Variants in SAMD12 observed in about 807,000 individuals in gnomAD.
SAMD12 encodes sterile alpha motif domain-containing protein 12.
A neutral mutation model predicts 15.0 loss-of-function variants in SAMD12; 9 were observed. That is an observed-to-expected ratio of 0.60 (90% CI 0.36 to 1.05). The LOEUF is 1.05. Ranked by LOEUF, SAMD12 falls within the 50% of genes least tolerant of loss-of-function variation. The pLI is 0.01. For synonymous variants in SAMD12, 86 were observed against 90.1 expected (o/e 0.96, Z 0.25); for missense variants, 230 against 234.2 (o/e 0.98, Z 0.12).
intron 4 of SAMD12, among the ~76,000 whole-genome samples, chr8:118,356,540 C>A (rs577958218): frequency 6.6e-6 from 1 of 152,136 alleles, no homozygotes; most frequent in African/African-American, 2.4e-5. Flanking sequence ...ACTTTCAGCT[C>A]TCTTACTTGA....
At chr8:118,149,719 T>A in the SAMD12 span, among the ~76,000 whole-genome samples, 1 of 152,214 alleles carries the variant, frequency 6.6e-6, no homozygotes, top group Non-Finnish European at 1.5e-5. Flanking sequence ...TCTGCATTTA[T>A]GCCCATGATC....
At chr8:118,449,749 A>G (rs1823020540) in intron 2 of SAMD12, among the ~76,000 whole-genome samples, 1 of 143,950 alleles carries the variant, frequency 6.9e-6, no homozygotes. Flanking sequence ...TGCAGTGAGC[A>G]GAGATGGTGC....
intron 3 of SAMD12, among the ~76,000 whole-genome samples, chr8:118,437,895 G>A (rs546804091): frequency 6.6e-6 from 1 of 152,124 alleles, no homozygotes; most frequent in South Asian, 2.1e-4. Context: ...TTCCCTCAAG[G>A]GGACCTCATA....
chr8:118,384,707 A>C (rs896316172), intron 3 of SAMD12, among the ~76,000 whole-genome samples: 9 of 152,186 alleles, frequency 5.9e-5, no homozygotes, highest in African/African-American at 2.2e-4. Flanking sequence ...AGCACTTGGG[A>C]TATGCAGAAG....
chr8:118,288,513 C>G (rs895585792), intron 4 of SAMD12, among the ~76,000 whole-genome samples: 32 of 152,168 alleles, frequency 2.1e-4, no homozygotes, highest in Middle Eastern at 3.2e-3. Context: ...GCAGCAATTT[C>G]AGATGTTTTG....
intron 2 of SAMD12, among the ~76,000 whole-genome samples, chr8:118,483,767 G>T (rs1824196678): frequency 6.6e-6 from 1 of 151,990 alleles, no homozygotes; most frequent in Non-Finnish European, 1.5e-5. Context: ...CAGGATCTTT[G>T]GCATACTATT....
intron 2 of SAMD12, among the ~76,000 whole-genome samples, chr8:118,544,026 G>C (rs1233199220): frequency 1.3e-5 from 2 of 151,984 alleles, no homozygotes; most frequent in African/African-American, 2.4e-5. Context: ...CTCGGGTCTG[G>C]TGTCCTGTCT....
chr8:118,484,768 G>A (rs1824230187), intron 2 of SAMD12, among the ~76,000 whole-genome samples: 1 of 152,130 alleles, frequency 6.6e-6, no homozygotes, highest in South Asian at 2.1e-4. Flanking sequence ...TGCTCTCACA[G>A]AAGCAGAAGA....
chr8:118,238,475 G>A (rs984906791), intron 4 of SAMD12, among the ~76,000 whole-genome samples: 4 of 152,106 alleles, frequency 2.6e-5, no homozygotes, highest in South Asian at 2.1e-4. Flanking sequence ...CATATCTCAG[G>A]ACTTGCCCAA....
intron 2 of SAMD12, among the ~76,000 whole-genome samples, chr8:118,524,715 C>T (rs1275690150): frequency 6.6e-6 from 1 of 152,198 alleles, no homozygotes; most frequent in Non-Finnish European, 1.5e-5. Context: ...AGTTCTTTGA[C>T]AGTTAATAAC....
chr8:118,274,345 C>T lies in SAMD12; in HGVS notation c.434-76613G>A, dbSNP rs140395637. Among the ~76,000 whole-genome samples the T allele has an allele frequency of 7.0e-3, 1,060 of 152,214 alleles. 15 individuals are homozygous for T. The highest frequency in any genetic ancestry group is 0.024 in the African/African-American group (989 of 41,540). Reference sequence around the variant, plus strand: ...TCCTGCATATGGCTTTGGCAATTTTCGAGAAATGATGCTTTTGACAGAGAA... The same window carrying T: ...TCCTGCATATGGCTTTGGCAATTTTTGAGAAATGATGCTTTTGACAGAGAA... On this transcript the variant is annotated intron_variant, in intron 4 of 4. Coordinates refer to the SAMD12 transcript ENST00000409003.
At chr8:118,567,163 G>A (rs569435625) in intron 2 of SAMD12, among the ~76,000 whole-genome samples, 5 of 152,118 alleles carry the variant, frequency 3.3e-5, no homozygotes, top group Admixed American at 3.3e-4. Context: ...ATTCCTACTG[G>A]ACAGATGAAG....
intron 3 of SAMD12, among the ~76,000 whole-genome samples, chr8:118,414,237 C>A (rs1821572458): frequency 6.6e-6 from 1 of 152,110 alleles, no homozygotes; most frequent in African/African-American, 2.4e-5. Flanking sequence ...AATTGTATTT[C>A]TTATGAAAGG....
At chr8:118,618,594 C>G (rs970648091) in intron 1 of SAMD12, among the ~76,000 whole-genome samples, 2 of 152,114 alleles carry the variant, frequency 1.3e-5, no homozygotes, top group East Asian at 1.9e-4. Context: ...AATCCCAGCA[C>G]TTTGGGAGGC....
At chr8:118,153,265 A>G in the SAMD12 span, among the ~76,000 whole-genome samples, 1,129 of 121,532 alleles carry the variant, frequency 9.3e-3, 20 homozygotes, top group African/African-American at 0.031. Flanking sequence ...GGGAAAGAGG[A>G]AACAGCTATC....
chr8:118,439,989 A>T, intron 2 of SAMD12, 28 bp from the exon 3 acceptor site: 2 of 1,612,390 alleles, frequency 1.2e-6, no homozygotes, highest in Non-Finnish European at 1.7e-6. Context: ...AGATCTGTCA[A>T]TGCTGGCCCC....
intron 3 of SAMD12, among the ~76,000 whole-genome samples, chr8:118,412,909 T>A (rs983376768): frequency 6.6e-6 from 1 of 152,170 alleles, no homozygotes; most frequent in African/African-American, 2.4e-5. Context: ...GCCCTAGCTA[T>A]GTGACATGCT....
rs745368939 is a variant in SAMD12, at chr8:118,259,831, C to A, written c.434-62099G>T. Among the ~76,000 whole-genome samples, 94 of 152,182 alleles carry A rather than the reference C, an allele frequency of 6.2e-4. 1 individual carries two copies. The highest frequency in any genetic ancestry group is 3.4e-3 in the Middle Eastern group (1 of 294). ...TTCACAAAACCACCGTTCTTTAGAC[C>A]TGCTTATTTCTAGAACAAAAAAGGA... On this transcript the variant is annotated intron_variant, in intron 4 of 4. Transcript: ENST00000409003.
chr8:118,243,325 A>C (rs1812614599), intron 4 of SAMD12, among the ~76,000 whole-genome samples: 1 of 152,162 alleles, frequency 6.6e-6, no homozygotes, highest in South Asian at 2.1e-4. Flanking sequence ...GAAATTTGAA[A>C]ACAAGGAGGG....
Sources: allele counts gnomAD v4.1 joint callset (sites outside exome capture counted in the v4.1 genomes callset), GRCh38; gene constraint gnomAD v4.1.1; transcripts MANE v1.5; gene names NCBI Gene and HGNC (gene_info 2026-07-23, HGNC 2026-07-21).